The following DLC1 variants were observed in gnomAD, a reference collection of about 807,000 sequenced individuals.
DLC1 encodes rho GTPase-activating protein 7.
DLC1 carries 54 observed loss-of-function variants against 140.3 expected under a neutral mutation model. The ratio of observed to expected loss-of-function variants is 0.38; its 90% CI spans 0.31 to 0.48. The LOEUF is 0.48. DLC1 is among the 20% of genes least tolerant of loss of function. The pLI, the probability that DLC1 is intolerant of heterozygous loss-of-function variation, is 0.96. For synonymous variants in DLC1, 986 were observed against 728.1 expected, an observed-to-expected ratio of 1.35 and a Z score of -5.70; for missense variants, 2,536 against 1,907.0, an observed-to-expected ratio of 1.33 and a Z score of -6.14.
intron 16 of DLC1, among the ~76,000 whole-genome samples, chr8:13,087,258 C>T (rs534833700): frequency 6.6e-6 from 1 of 152,298 alleles, no homozygotes; most frequent in Non-Finnish European, 1.5e-5. Context: ...AAAAATTAGC[C>T]AGGTGTGATG....
At chr8:13,581,234 A>T (rs13256026) in intron 1 of DLC1, among the ~76,000 whole-genome samples, 56,058 of 152,116 alleles carry the variant, frequency 0.37, 11,211 homozygotes, top group South Asian at 0.57. Flanking sequence ...TTTTCTATTT[A>T]AATTTCCATT....
At chr8:13,470,323 C>G (rs535252964) in intron 2 of DLC1, among the ~76,000 whole-genome samples, 1 of 152,208 alleles carries the variant, frequency 6.6e-6, no homozygotes, top group East Asian at 1.9e-4. Context: ...TATATCTTAT[C>G]CATTAGGAGA....
At chr8:13,598,680 T>C (rs1372160195) in intron 1 of DLC1, among the ~76,000 whole-genome samples, 2 of 152,044 alleles carry the variant, frequency 1.3e-5, no homozygotes, top group Non-Finnish European at 2.9e-5. Flanking sequence ...TAATACTTAC[T>C]ATTATTGCAT....
intron 4 of DLC1, among the ~76,000 whole-genome samples, chr8:13,350,602 G>A (rs1834608550): frequency 6.6e-6 from 1 of 152,132 alleles, no homozygotes; most frequent in South Asian, 2.1e-4. Context: ...TGTAATGACA[G>A]GTACTTGGGT....
At chr8:13,220,389 G>T (rs1211766483) in intron 5 of DLC1, among the ~76,000 whole-genome samples, 1 of 152,148 alleles carries the variant, frequency 6.6e-6, no homozygotes, top group Non-Finnish European at 1.5e-5. Context: ...TGTGTAACAA[G>T]TGGGGATCAG....
chr8:13,375,783 T>G (rs944835320), intron 4 of DLC1, among the ~76,000 whole-genome samples: 3 of 152,194 alleles, frequency 2.0e-5, no homozygotes, highest in Non-Finnish European at 2.9e-5. Context: ...TTGTCAAAGC[T>G]TGGCCATCAT....
chr8:13,366,843 C>A (rs1410386797), intron 4 of DLC1, among the ~76,000 whole-genome samples: 1 of 152,116 alleles, frequency 6.6e-6, no homozygotes, highest in African/African-American at 2.4e-5. Flanking sequence ...GCTTTCCCAT[C>A]AGTCATTCTC....
At chr8:13,140,051 T>G (rs1822860797) in intron 5 of DLC1, among the ~76,000 whole-genome samples, 1 of 152,134 alleles carries the variant, frequency 6.6e-6, no homozygotes, top group African/African-American at 2.4e-5. Context: ...AATAAACTCC[T>G]CTTTCTCCCC....
chr8:13,349,284 G>C (rs1313006088), intron 4 of DLC1, among the ~76,000 whole-genome samples: 1 of 152,066 alleles, frequency 6.6e-6, no homozygotes, highest in Admixed American at 6.5e-5. Context: ...GGAATGGAGG[G>C]TATGGCTTTA....
chr8:13,195,703 A>G (rs1351587375), intron 5 of DLC1, among the ~76,000 whole-genome samples: 2 of 152,224 alleles, frequency 1.3e-5, no homozygotes, highest in African/African-American at 4.8e-5. Context: ...ATTATTTTCT[A>G]ACATAGCTCC....
At position 13,324,932 on chromosome 8, in the gene DLC1, G is replaced by A. The variant is rs189578213; in HGVS notation, c.1315-19630C>T. ...TTTGACAACACTTTGGTGATACTGT[G>A]CAAAAATCATGTATCATAAAATAAT... On this transcript the variant is annotated intron_variant, in intron 4 of 17. Transcript: ENST00000276297. 4.9e-3 allele frequency among the ~76,000 whole-genome samples: 746 copies of A among 152,230 alleles called. 3 individuals are homozygous for A. The highest frequency in any genetic ancestry group is 6.7e-3 in the Non-Finnish European group (454 of 68,008).
At chr8:13,479,373 A>T (rs1248055917) in intron 2 of DLC1, among the ~76,000 whole-genome samples, 1 of 152,208 alleles carries the variant, frequency 6.6e-6, no homozygotes, top group Non-Finnish European at 1.5e-5. Context: ...AATACAAAAA[A>T]AGGTCGCATA....
chr8:13,282,919 T>C (rs1831414149), intron 5 of DLC1, among the ~76,000 whole-genome samples: 1 of 152,200 alleles, frequency 6.6e-6, no homozygotes, highest in African/African-American at 2.4e-5. Flanking sequence ...CACATATTGT[T>C]TTATGTTCAT....
Position 13,175,029 on chromosome 8 carries a change from AG to A in DLC1, c.1349-59373del, listed in dbSNP as rs1347121524. On this transcript the variant is annotated intron_variant, in intron 5 of 17. Coordinates refer to ENST00000276297, the MANE Select transcript of DLC1 (RefSeq NM_182643.3). ...ACATTTAAGCCTTTAATCCATCTTC[AG>A]TTAATTTTTGAATACAGTGAAAGGT... 2.4e-4 allele frequency among the ~76,000 whole-genome samples: 12 copies of A among 49,250 alleles called. 1 individual carries two copies. In the South Asian group the frequency reaches 8.0e-3, roughly 33 times the overall value. The allele number at this position is 49,250 out of a possible 152,430, so 32.3% of individuals were successfully genotyped here.
At chr8:13,206,410 C>T (rs188094372) in intron 5 of DLC1, among the ~76,000 whole-genome samples, 9 of 152,158 alleles carry the variant, frequency 5.9e-5, no homozygotes, top group South Asian at 4.1e-4. Flanking sequence ...GTTTCTAATA[C>T]GTCTCGGCTT....
At chr8:13,181,602 T>C (rs1057384113) in intron 5 of DLC1, among the ~76,000 whole-genome samples, 2 of 151,882 alleles carry the variant, frequency 1.3e-5, no homozygotes, top group African/African-American at 4.8e-5. Context: ...TTTTCTGTCC[T>C]TGTGATAGTT....
intron 5 of DLC1, among the ~76,000 whole-genome samples, chr8:13,235,798 T>C (rs1310578553): frequency 6.6e-6 from 1 of 152,006 alleles, no homozygotes; most frequent in Non-Finnish European, 1.5e-5. Flanking sequence ...CACATACACA[T>C]TCAGCCATGG....
At chr8:13,578,350 C>G (rs1804921418) in intron 1 of DLC1, among the ~76,000 whole-genome samples, 1 of 152,142 alleles carries the variant, frequency 6.6e-6, no homozygotes, top group African/African-American at 2.4e-5. Flanking sequence ...TTTTCGTACT[C>G]TCTTACACAG....
At chr8:13,468,657 G>T (rs73555472) in intron 2 of DLC1, among the ~76,000 whole-genome samples, 17 of 151,516 alleles carry the variant, frequency 1.1e-4, no homozygotes, top group Non-Finnish European at 1.8e-4. Flanking sequence ...TTACAGAGGT[G>T]CATCAGCATG....
Sources: allele counts gnomAD v4.1 joint callset (sites outside exome capture counted in the v4.1 genomes callset), GRCh38; gene constraint gnomAD v4.1.1; transcripts MANE v1.5; gene names NCBI Gene and HGNC (gene_info 2026-07-23, HGNC 2026-07-21).